SELENOF: variants seen among roughly 807,000 people sequenced by gnomAD.
SELENOF encodes the protein 15 kDa selenoprotein.
Under a neutral mutation model 20.5 loss-of-function variants are expected in SELENOF, and 16 were observed. The observed-to-expected ratio is 0.78, with a 90% CI of 0.53 to 1.19. SELENOF has a LOEUF of 1.19. SELENOF is among the 50% of genes most tolerant of loss of function. The pLI, the probability that SELENOF is intolerant of heterozygous loss-of-function variation, is 0.00. For missense variants in SELENOF, 215 were observed against 194.2 expected (o/e 1.11, Z -0.64); for synonymous variants, 78 against 74.5 (o/e 1.05, Z -0.24).
At chr1:86,873,243 C>T (rs1359995638) in intron 3 of SELENOF, among the ~76,000 whole-genome samples, 3 of 152,020 alleles carry the variant, frequency 2.0e-5, no homozygotes, top group South Asian at 2.1e-4. Flanking sequence ...GACAACACAG[C>T]GAGACTCCGT....
chr1:86,870,360 C>T (rs571016510), intron 3 of SELENOF, among the ~76,000 whole-genome samples: 1 of 152,234 alleles, frequency 6.6e-6, no homozygotes, highest in African/African-American at 2.4e-5. Flanking sequence ...TAACTTTATC[C>T]TTTAGGATTT....
At chr1:86,910,367 G>C (rs1659948149) in intron 1 of SELENOF, among the ~76,000 whole-genome samples, 1 of 152,058 alleles carries the variant, frequency 6.6e-6, no homozygotes. Context: ...CATCCTGTGG[G>C]GGTCACATTC....
intron 3 of SELENOF, among the ~76,000 whole-genome samples, chr1:86,870,426 T>C (rs1263685566): frequency 6.6e-6 from 1 of 152,226 alleles, no homozygotes; most frequent in Admixed American, 6.5e-5. Context: ...TTATGATTTT[T>C]ATTGCCTTTT....
At chr1:86,873,213 C>T (rs1046052573) in intron 3 of SELENOF, among the ~76,000 whole-genome samples, 3 of 151,942 alleles carry the variant, frequency 2.0e-5, no homozygotes, top group South Asian at 2.1e-4. Context: ...GCCGAGATCC[C>T]GCCACTGCAC....
At chr1:86,914,135 A>T (rs1660073246), upstream of SELENOF, 1 of 1,610,924 alleles carries the variant, frequency 6.2e-7, no homozygotes, top group South Asian at 1.1e-5. Flanking sequence ...CTGGCTGCCT[A>T]GAAGGACCCC....
At chr1:86,910,183 T>C (rs766724295) in intron 1 of SELENOF, among the ~76,000 whole-genome samples, 24 of 152,314 alleles carry the variant, frequency 1.6e-4, no homozygotes, top group Admixed American at 2.0e-4. Context: ...AAAAAATACA[T>C]TTCGTTAAAG....
At chr1:86,870,953 TAAGTGAAC>T (rs1658749191) in intron 3 of SELENOF, among the ~76,000 whole-genome samples, 1 of 151,872 alleles carries the variant, frequency 6.6e-6, no homozygotes. Flanking sequence ...CAGACTGCAA[TAAGTGAAC>T]AAATTTAAAA....
At chr1:86,900,489 G>C (rs1020345809) in intron 2 of SELENOF, among the ~76,000 whole-genome samples, 14 of 152,204 alleles carry the variant, frequency 9.2e-5, no homozygotes, top group African/African-American at 3.1e-4. Flanking sequence ...TCGGCAGGCT[G>C]AGGCAGGAAA....
At chr1:86,875,903 CAG>C (rs1335609066) in intron 3 of SELENOF, among the ~76,000 whole-genome samples, 1 of 152,108 alleles carries the variant, frequency 6.6e-6, no homozygotes, top group Non-Finnish European at 1.5e-5. Context: ...AGTCAGAGCT[CAG>C]AGAGTTGCAC....
chr1:86,902,086 A>G (rs1000643447), intron 2 of SELENOF, among the ~76,000 whole-genome samples: 3 of 152,196 alleles, frequency 2.0e-5, no homozygotes, highest in Non-Finnish European at 4.4e-5. Flanking sequence ...CCTCAGCAAA[A>G]AGAACAGAGG....
chr1:86,886,425 T>C (rs1659218951), intron 2 of SELENOF, among the ~76,000 whole-genome samples: 1 of 147,478 alleles, frequency 6.8e-6, no homozygotes, highest in African/African-American at 2.6e-5. Context: ...AAGACAAATG[T>C]TACAGTACTT....
chr1:86,867,240 C>T (rs1658624049), intron 4 of SELENOF, among the ~76,000 whole-genome samples: 1 of 152,036 alleles, frequency 6.6e-6, no homozygotes, highest in African/African-American at 2.4e-5. Flanking sequence ...TAATATTACC[C>T]AGCACTTTGG....
At chr1:86,889,550 C>T (rs1050653700) in intron 2 of SELENOF, among the ~76,000 whole-genome samples, 1 of 152,044 alleles carries the variant, frequency 6.6e-6, no homozygotes, top group South Asian at 2.1e-4. Flanking sequence ...GCTGAGATCG[C>T]GTCACTGCAC....
intron 3 of SELENOF, among the ~76,000 whole-genome samples, chr1:86,878,058 A>C (rs918733045): frequency 6.6e-6 from 1 of 152,208 alleles, no homozygotes; most frequent in African/African-American, 2.4e-5. Context: ...ATACTAGACA[A>C]AATCTACTAT....
In SELENOF at chr1:86,894,684, A is replaced by T. The variant is rs529333093; in HGVS notation, c.252+8597T>A. On this transcript the variant is annotated intron_variant, in intron 2 of 4. Transcript: ENST00000331835. Reference sequence around the variant, plus strand: ...TGAGACCTTGTCTCTACAAAAATAGAAAATTAGCTGGGGGTGATGACGCAT... The same window carrying T: ...TGAGACCTTGTCTCTACAAAAATAGTAAATTAGCTGGGGGTGATGACGCAT... Among the ~76,000 whole-genome samples the T allele has an allele frequency of 2.6e-5, 4 of 152,226 alleles. No homozygotes were observed. In the East Asian group the frequency reaches 7.7e-4, roughly 29 times the overall value.
chr1:86,875,748 G>A (rs79547895), intron 3 of SELENOF, among the ~76,000 whole-genome samples: 2 of 152,128 alleles, frequency 1.3e-5, no homozygotes, highest in Admixed American at 6.5e-5. Context: ...GAGGTGTTAT[G>A]GAACATAAAG....
chr1:86,901,121 G>A (rs903781704), intron 2 of SELENOF, among the ~76,000 whole-genome samples: 6 of 152,154 alleles, frequency 3.9e-5, no homozygotes, highest in Admixed American at 2.0e-4. Flanking sequence ...TATTTTTAAT[G>A]TAAGGCACTA....
chr1:86,906,060 T>A (rs944627002), intron 1 of SELENOF, among the ~76,000 whole-genome samples: 3 of 152,096 alleles, frequency 2.0e-5, no homozygotes, highest in Non-Finnish European at 4.4e-5. Context: ...CTTGTTGGCA[T>A]ATTCACCCAA....
upstream of SELENOF, chr1:86,914,249 A>T: frequency 1.3e-6 from 1 of 742,752 alleles, no homozygotes; most frequent in Non-Finnish European, 2.3e-6. Flanking sequence ...ATAACGGCAT[A>T]TGAAAGCTTA....
Sources: allele counts gnomAD v4.1 joint callset (sites outside exome capture counted in the v4.1 genomes callset), GRCh38; gene constraint gnomAD v4.1.1; transcripts MANE v1.5; gene names NCBI Gene and HGNC (gene_info 2026-07-23, HGNC 2026-07-21).